Variants in CDH23 observed in about 807,000 individuals in gnomAD.
CDH23 encodes cadherin related 23.
A neutral mutation model predicts 317.1 loss-of-function variants in CDH23; 189 were observed. The observed-to-expected ratio is 0.60, with a 90% confidence interval of 0.53 to 0.67. The LOEUF (loss-of-function observed/expected upper bound fraction) is 0.67, where lower values mean the gene tolerates loss of function less well. Ranked by LOEUF, CDH23 falls within the 30% of genes least tolerant of loss-of-function variation. The pLI is 0.00. For synonymous variants in CDH23, 1,839 were observed against 1,876.8 expected (o/e 0.98, Z 0.52); for missense variants, 4,401 against 4,592.4 (o/e 0.96, Z 1.20).
At chr10:71,718,266 C>A (rs1053206417) in intron 28 of CDH23, among the ~76,000 whole-genome samples, 2 of 152,212 alleles carry the variant, frequency 1.3e-5, no homozygotes, top group African/African-American at 2.4e-5. Context: ...GGACTCCTGT[C>A]CCTACCCCAG....
At chr10:71,798,126 C>G (rs369026770) in intron 49 of CDH23, among the ~76,000 whole-genome samples, 1 of 152,150 alleles carries the variant, frequency 6.6e-6, no homozygotes, top group Non-Finnish European at 1.5e-5. Context: ...CAGGAAGGGC[C>G]GAGGGCTCCA....
rs572538581 is a variant in CDH23, at chr10:71,575,747, T to C, written c.754-2167T>C. Among the ~76,000 whole-genome samples the C allele has an allele frequency of 2.6e-5, 4 of 152,098 alleles. No homozygotes were observed. In the South Asian group the frequency reaches 8.3e-4, roughly 32 times the overall value. On this transcript the variant is annotated intron_variant, in intron 8 of 69. Transcript: ENST00000224721. ...GGCCGAGCACAGCCGCACTTCTCCA[T>C]CCCCCGTCTTTGGAAATAAGTTTCA...
intron 48 of CDH23, 65 bp from the exon 49 acceptor site, chr10:71,797,039 C>G (rs906347013): frequency 1.9e-6 from 2 of 1,043,488 alleles, no homozygotes; most frequent in East Asian, 2.6e-5. Flanking sequence ...GCCAGGAGCA[C>G]CCCTGGGAAG....
chr10:71,722,283 A>T (rs563062410), intron 28 of CDH23, among the ~76,000 whole-genome samples: 132 of 152,316 alleles, frequency 8.7e-4, no homozygotes, highest in African/African-American at 3.1e-3. Context: ...TCTACAAAAA[A>T]AATAATAATA....
At chr10:71,722,715 G>C (rs1866615891) in intron 28 of CDH23, among the ~76,000 whole-genome samples, 1 of 152,152 alleles carries the variant, frequency 6.6e-6, no homozygotes, top group Non-Finnish European at 1.5e-5. Flanking sequence ...GAAGATATTT[G>C]AACAAAGACC....
chr10:71,767,082 C>T (rs775610210), intron 38 of CDH23, among the ~76,000 whole-genome samples: 1 of 152,226 alleles, frequency 6.6e-6, no homozygotes, highest in Admixed American at 6.5e-5. Context: ...AGAACTTGGG[C>T]CTGGACCTGT....
chr10:71,751,972 C>T lies in CDH23; in HGVS notation c.4845+10051C>T. ...TTTCTCTCACCTACATCCCCATCCCCAAGCCTCAGCAGCATCTCCAAGCAA... is the reference window on the plus strand; with the variant it reads ...TTTCTCTCACCTACATCCCCATCCCTAAGCCTCAGCAGCATCTCCAAGCAA... On this transcript the variant is annotated intron_variant, in intron 38 of 69. Coordinates refer to ENST00000224721, the MANE Select transcript of CDH23 (RefSeq NM_022124.6). This position sits in a 1 kb window ranked among gnomAD's most constrained non-coding sequence, Gnocchi z 4.9. 1 of 1,159,832 alleles carries T rather than the reference C, an allele frequency of 8.6e-7. No homozygotes were observed. 71.8% of individuals were successfully genotyped at this position (1,159,832 alleles called of 1,614,324 possible).
intron 6 of CDH23, among the ~76,000 whole-genome samples, chr10:71,542,402 T>G (rs1856035057): frequency 6.6e-6 from 1 of 151,652 alleles, no homozygotes; most frequent in African/African-American, 2.4e-5. Flanking sequence ...GATTAATCTG[T>G]GACTCTGTGA....
At chr10:71,810,414 C>G in intron 61 of CDH23, 58 bp from the exon 62 acceptor site, 2 of 1,503,744 alleles carry the variant, frequency 1.3e-6, no homozygotes, top group Non-Finnish European at 1.9e-6. Context: ...AGAGGCCTGC[C>G]CATCCCTGTG....
At chr10:71,723,989 C>G in intron 28 of CDH23, 56 bp from the exon 29 acceptor site, 1 of 1,542,846 alleles carries the variant, frequency 6.5e-7, no homozygotes, top group Non-Finnish European at 8.8e-7. Context: ...CTAAAAACCT[C>G]TTCTCTCCCT....
intron 3 of CDH23, among the ~76,000 whole-genome samples, chr10:71,460,629 C>A (rs1850930798): frequency 6.6e-6 from 1 of 152,246 alleles, no homozygotes; most frequent in African/African-American, 2.4e-5. Flanking sequence ...TTGTCTCCCA[C>A]ACTCTGGAGT....
At chr10:71,431,492 C>T (rs1478770117) in intron 1 of CDH23, among the ~76,000 whole-genome samples, 1 of 152,236 alleles carries the variant, frequency 6.6e-6, no homozygotes, top group Non-Finnish European at 1.5e-5. Flanking sequence ...TGGCCATTAG[C>T]AGCCCTAATG....
chr10:71,438,765 T>C, intron 1 of CDH23, among the ~76,000 whole-genome samples: 1 of 152,200 alleles, frequency 6.6e-6, no homozygotes, highest in East Asian at 1.9e-4. Flanking sequence ...TGCTCTCTAG[T>C]TGGAGGTCTC....
At chr10:71,457,770 G>A (rs1264476851) in intron 3 of CDH23, among the ~76,000 whole-genome samples, 2 of 152,354 alleles carry the variant, frequency 1.3e-5, no homozygotes, top group African/African-American at 2.4e-5. Flanking sequence ...TTCCTTGCTG[G>A]ATATACTATG....
At chr10:71,446,257 T>TA in intron 2 of CDH23, 61 bp from the exon 3 acceptor site, 3 of 1,501,446 alleles carry the variant, frequency 2.0e-6, no homozygotes, top group Non-Finnish European at 2.8e-6. Context: ...TGTGTCACCT[T>TA]ATAGAGTGTG....
intron 6 of CDH23, among the ~76,000 whole-genome samples, chr10:71,562,721 G>A (rs772717454): frequency 2.6e-5 from 4 of 152,220 alleles, no homozygotes; most frequent in Admixed American, 2.0e-4. Flanking sequence ...CAAAGTCAGC[G>A]GGGCCTGGGA....
intron 3 of CDH23, among the ~76,000 whole-genome samples, chr10:71,471,651 G>A (rs186907625): frequency 2.6e-4 from 39 of 152,186 alleles, no homozygotes; most frequent in African/African-American, 8.0e-4. Context: ...ACGTGTCCCC[G>A]TGAGAACTTT....
At chr10:71,777,103 T>A (rs1436463077) in intron 38 of CDH23, among the ~76,000 whole-genome samples, 1 of 152,206 alleles carries the variant, frequency 6.6e-6, no homozygotes, top group Admixed American at 6.5e-5. Flanking sequence ...TGAGTCTTAT[T>A]TTTCACAGGT....
At chr10:71,510,906 C>G in intron 4 of CDH23, 48 bp from the exon 5 acceptor site, 7 of 1,604,378 alleles carry the variant, frequency 4.4e-6, no homozygotes, top group Non-Finnish European at 6.0e-6. Flanking sequence ...GGACCCAGGA[C>G]CTCAGCACCG....
Sources: allele counts gnomAD v4.1 joint callset (sites outside exome capture counted in the v4.1 genomes callset), GRCh38; gene constraint gnomAD v4.1.1; non-coding constraint Gnocchi (gnomAD v3.1); transcripts MANE v1.5; gene names NCBI Gene and HGNC (gene_info 2026-07-23, HGNC 2026-07-21).